The following DSC3 variants were observed in gnomAD, a reference collection of about 807,000 sequenced individuals.
DSC3 encodes the protein desmocollin-3.
Under a neutral mutation model 89.5 loss-of-function variants are expected in DSC3, and 97 were observed. The observed-to-expected ratio is 1.08, with a 90% confidence interval of 0.92 to 1.28. The LOEUF (loss-of-function observed/expected upper bound fraction) is 1.28. Ranked by LOEUF, DSC3 falls within the 50% of genes most tolerant of loss-of-function variation. The pLI, the probability that DSC3 is intolerant of heterozygous loss-of-function variation, is 0.00. For synonymous variants in DSC3, 436 were observed against 384.1 expected (o/e 1.14, Z -1.58); for missense variants, 1,199 against 1,085.3 (o/e 1.10, Z -1.47).
At chr18:31,002,735 G>T (rs909235344) in intron 13 of DSC3, among the ~76,000 whole-genome samples, 7 of 147,532 alleles carry the variant, frequency 4.7e-5, no homozygotes, top group Non-Finnish European at 9.0e-5. Flanking sequence ...AAAAAAAAAA[G>T]AAAATTACAT....
chr18:31,027,899 T>C (rs1265476570), intron 4 of DSC3, among the ~76,000 whole-genome samples: 2 of 152,220 alleles, frequency 1.3e-5, no homozygotes, highest in East Asian at 3.9e-4. Context: ...TTAAACCTTA[T>C]GAAACACACT....
rs138010327 is a variant in DSC3 at position 31,030,582 on chromosome 18, C to G, written c.354+391G>C. 7.9e-3 allele frequency among the ~76,000 whole-genome samples: 1,209 copies of G among 152,182 alleles called. 21 individuals carry two copies. The highest frequency in any genetic ancestry group is 0.028 in the African/African-American group (1,166 of 41,504). On this transcript the variant is annotated intron_variant, in intron 3 of 15. Coordinates refer to ENST00000360428, the MANE Select transcript of DSC3 (RefSeq NM_001941.5). The stretch of plus-strand genomic sequence containing the variant: ...AATGTAGAGGTGGAAGAAGCCCTCA[C>G]AGAGGAGAAATAATTCAGATTTAAT...
intron 4 of DSC3, among the ~76,000 whole-genome samples, chr18:31,026,341 G>A (rs902690763): frequency 3.3e-5 from 5 of 152,068 alleles, no homozygotes; most frequent in African/African-American, 9.7e-5. Context: ...TGGAGAATTC[G>A]AGGATGCTGG....
Position 30,990,458 on chromosome 18 carries a change from G to A in DSC3, c.*3717C>T, listed in dbSNP as rs1474150954. On this transcript the variant is annotated 3_prime_UTR_variant, in exon 16 of 16. Transcript: ENST00000360428. The stretch of plus-strand genomic sequence containing the variant: ...ATACACAAAAATAATGGTTACAATA[G>A]AAGTTACTGGAATTGAAATTTTGGT... The A allele has an allele frequency of 6.6e-6, 1 of 152,180 alleles. No homozygotes were observed. Among genetic ancestry groups the A allele is most frequent in the Non-Finnish European group, 1.5e-5 (1 of 68,022 alleles). 9.4% of individuals were successfully genotyped at this position (152,180 alleles called of 1,614,324 possible). A position where few individuals can be genotyped will look rare whatever the true frequency, so the allele number is the denominator to read the frequency against.
intron 1 of DSC3, among the ~76,000 whole-genome samples, chr18:31,036,960 T>A (rs28657717): frequency 0.13 from 20,056 of 151,492 alleles, 1,457 homozygotes; most frequent in Admixed American, 0.18. Context: ...CCCCAGCTAA[T>A]TTTTGTATTT....
chr18:30,995,287 C>G, intron 15 of DSC3, among the ~76,000 whole-genome samples: 1 of 152,170 alleles, frequency 6.6e-6, no homozygotes, highest in East Asian at 1.9e-4. Flanking sequence ...AGGAACCCTC[C>G]TAAGACTATG....
intron 2 of DSC3, among the ~76,000 whole-genome samples, chr18:31,031,680 A>T (rs1362937997): frequency 6.6e-6 from 1 of 152,192 alleles, no homozygotes; most frequent in Non-Finnish European, 1.5e-5. Context: ...TTCTGTACAC[A>T]ATTTTCCCTG....
Position 30,991,983 on chromosome 18 carries a change from G to A in DSC3, c.*2192C>T, listed in dbSNP as rs1243077176. The A allele has an allele frequency of 6.6e-6, 1 of 152,088 alleles. No homozygotes were observed. The highest frequency in any genetic ancestry group is 2.4e-5 in the African/African-American group (1 of 41,408). The allele number at this position is 152,088 out of a possible 1,614,324, so 9.4% of individuals were successfully genotyped here. On this transcript the variant is annotated 3_prime_UTR_variant, in exon 16 of 16. Coordinates refer to ENST00000360428, the MANE Select transcript of DSC3 (RefSeq NM_001941.5). ...GATCGAGACCATCCTGGCTAACACA[G>A]TGAAACCCCGTCTCTATTAAAAATA...
chr18:31,019,352 G>A (rs1985343403), intron 7 of DSC3, among the ~76,000 whole-genome samples: 1 of 152,096 alleles, frequency 6.6e-6, no homozygotes, highest in Non-Finnish European at 1.5e-5. Context: ...GGCTCCCAAA[G>A]TGCTAGGATT....
chr18:30,999,425 C>A lies in DSC3; in HGVS notation c.2235+2193G>T, dbSNP rs540804925. Among the ~76,000 whole-genome samples the A allele has an allele frequency of 2.7e-5, 4 of 148,364 alleles. 1 individual carries two copies. The highest frequency in any genetic ancestry group is 7.5e-5 in the African/African-American group (3 of 39,992). ...CATTTTTTTATTTAAGTTGCCATTA[C>A]AATAAAATTCAATTACAAAAAAGGA... On this transcript the variant is annotated intron_variant, in intron 14 of 15. Transcript: ENST00000360428.
At position 31,029,645 on chromosome 18, in the gene DSC3, A is replaced by T; in HGVS notation, c.355-17T>A. The T allele has an allele frequency of 6.2e-7, 1 of 1,613,464 alleles. No homozygotes were observed. The highest frequency in any genetic ancestry group is 8.5e-7 in the Non-Finnish European group (1 of 1,179,426). ...CTTCGATACCTGAATTTAGAGAAAA[A>T]CAAATACATGAATAAACAAAAGCAT... On this transcript the variant is annotated splice_polypyrimidine_tract_variant and intron_variant, in intron 3 of 15. Coordinates refer to ENST00000360428, the MANE Select transcript of DSC3 (RefSeq NM_001941.5).
chr18:31,005,859 C>A (rs79250249), intron 12 of DSC3, among the ~76,000 whole-genome samples: 3,071 of 152,226 alleles, frequency 0.02, 115 homozygotes, highest in African/African-American at 0.07. Flanking sequence ...GGTGGAGCAT[C>A]TCAGCTGGGA....
At chr18:31,005,325 G>A (rs1984801591) in intron 12 of DSC3, among the ~76,000 whole-genome samples, 2 of 152,162 alleles carry the variant, frequency 1.3e-5, no homozygotes, top group Non-Finnish European at 2.9e-5. Context: ...ATTCACAGTA[G>A]TGCATTGGCC....
At chr18:31,007,181 T>C in intron 11 of DSC3, 50 bp from the exon 12 acceptor site, 2 of 1,403,942 alleles carry the variant, frequency 1.4e-6, no homozygotes, top group Non-Finnish European at 2.0e-6. Flanking sequence ...TCTTTCATAG[T>C]TTCTTAAAGA....
At chr18:31,027,957 G>A (rs2144725395) in intron 4 of DSC3, among the ~76,000 whole-genome samples, 1 of 152,220 alleles carries the variant, frequency 6.6e-6, no homozygotes, top group African/African-American at 2.4e-5. Flanking sequence ...CCTGCTAATT[G>A]AGATGGGAGG....
At position 31,004,314 on chromosome 18, in the gene DSC3, G is replaced by A. The variant is rs750830072; in HGVS notation, c.1941C>T (p.Thr647=). Residue 647 remains threonine, a synonymous_variant, in exon 13 of 16, where the codon ACC becomes ACT. Transcript: ENST00000360428. ...CCCTGTCTTTTACAGTAATAGGAAT[G>A]GTATATTCTTGAAATCCAGCATTTT... ...YQKNAGFQEY[T]IPITVKDRAG... is the part of the protein sequence containing the mutation. 10 of 1,613,758 alleles carry A rather than the reference G, an allele frequency of 6.2e-6. No homozygotes were observed. In the African/African-American group the frequency reaches 1.3e-4, roughly 22 times the overall value.
chr18:31,031,514 A>G (rs1250729429), intron 2 of DSC3, among the ~76,000 whole-genome samples: 4 of 152,212 alleles, frequency 2.6e-5, no homozygotes, highest in South Asian at 2.1e-4. Flanking sequence ...CTGAATAAAC[A>G]TATAGAAGAG....
chr18:31,015,370 C>T (rs1168872573), intron 9 of DSC3, among the ~76,000 whole-genome samples: 1 of 152,170 alleles, frequency 6.6e-6, no homozygotes, highest in Non-Finnish European at 1.5e-5. Context: ...TAGGTTATAA[C>T]TTCCAATCAC....
At chr18:31,005,701 G>C (rs1984814736) in intron 12 of DSC3, among the ~76,000 whole-genome samples, 1 of 152,194 alleles carries the variant, frequency 6.6e-6, no homozygotes, top group African/African-American at 2.4e-5. Flanking sequence ...CTAGGTGCTG[G>C]AAGTACAAAG....
Sources: gnomAD v4.1 joint callset for allele counts (sites outside exome capture counted in the v4.1 genomes callset) on GRCh38, gnomAD v4.1.1 for gene constraint, MANE v1.5 for transcripts, NCBI Gene and HGNC (gene_info 2026-07-23, HGNC 2026-07-21) for gene names.